The following COX7B2 variants were observed in gnomAD, a reference collection of about 807,000 sequenced individuals.
COX7B2 encodes the protein cytochrome c oxidase subunit 7B2, mitochondrial.
For synonymous variants in COX7B2, 37 were observed against 32.1 expected, an observed-to-expected ratio of 1.15 and a Z score of -0.51; for missense variants, 109 against 95.9, an observed-to-expected ratio of 1.14 and a Z score of -0.57.
intron 1 of COX7B2, among the ~76,000 whole-genome samples, chr4:46,878,540 A>G (rs1037763854): frequency 1.3e-5 from 2 of 152,084 alleles, no homozygotes; most frequent in Non-Finnish European, 2.9e-5. Context: ...TCTTAAATAC[A>G]TACAATAACA....
chr4:46,828,583 T>C (rs938028859), intron 2 of COX7B2, among the ~76,000 whole-genome samples: 2 of 151,968 alleles, frequency 1.3e-5, no homozygotes, highest in African/African-American at 2.4e-5. Flanking sequence ...AAGAGATAAA[T>C]GGAATAAAAT....
intron 2 of COX7B2, among the ~76,000 whole-genome samples, chr4:46,824,418 GA>G (rs1245943400): frequency 3.9e-5 from 6 of 152,106 alleles, no homozygotes; most frequent in Admixed American, 2.0e-4. Flanking sequence ...CCTCATGAGA[GA>G]ATGAAATTGA....
At chr4:46,750,195 TACAC>T (rs58139781) in intron 2 of COX7B2, among the ~76,000 whole-genome samples, 5,126 of 113,822 alleles carry the variant, frequency 0.045, 124 homozygotes, top group East Asian at 0.086. Context: ...ATCCCATCTC[TACAC>T]ACACACACAC....
chr4:46,785,775 G>A (rs1202451894), intron 2 of COX7B2, among the ~76,000 whole-genome samples: 1 of 152,064 alleles, frequency 6.6e-6, no homozygotes, highest in Non-Finnish European at 1.5e-5. Context: ...AATAGAGAAG[G>A]GGAGCAACCC....
intron 1 of COX7B2, among the ~76,000 whole-genome samples, chr4:46,873,812 C>A (rs150325361): frequency 4.0e-4 from 61 of 152,092 alleles, no homozygotes; most frequent in African/African-American, 1.3e-3. Flanking sequence ...TAATGCTATC[C>A]CTCCCCCTTC....
rs189661668 is a variant in COX7B2 at position 46,792,520 on chromosome 4, C to T, written c.-50+52440G>A. On this transcript the variant is annotated intron_variant, in intron 2 of 2. Coordinates refer to ENST00000355591, the MANE Select transcript of COX7B2 (RefSeq NM_130902.3). ...TCTCTCTCTCCCCCTGACACTCAGA[C>T]TGAGATATCAGTCTTCTCCTGCCCC... Among the ~76,000 whole-genome samples, 191 of 152,296 alleles carry T rather than the reference C, an allele frequency of 1.3e-3. 1 individual carries two copies. The highest frequency in any genetic ancestry group is 4.3e-3 in the African/African-American group (180 of 41,586).
intron 1 of COX7B2, chr4:46,904,064 T>G (rs1240464194): frequency 6.6e-6 from 1 of 152,104 alleles, no homozygotes; most frequent in Non-Finnish European, 1.5e-5. Context: ...TGACCTTTGA[T>G]AAACTAAAAC....
chr4:46,807,130 CCA>C (rs1426210019), intron 2 of COX7B2, among the ~76,000 whole-genome samples: 1 of 151,772 alleles, frequency 6.6e-6, no homozygotes, highest in African/African-American at 2.4e-5. Context: ...ATCGACAGTC[CCA>C]CAGTGTACAA....
chr4:46,890,540 G>A (rs1436593933), intron 1 of COX7B2, among the ~76,000 whole-genome samples: 3 of 152,202 alleles, frequency 2.0e-5, no homozygotes, highest in Non-Finnish European at 4.4e-5. Context: ...TTATCAGGAT[G>A]TAGGCAACAA....
chr4:46,853,382 T>TCCAA (rs1716820896), intron 1 of COX7B2, among the ~76,000 whole-genome samples: 1 of 152,194 alleles, frequency 6.6e-6, no homozygotes, highest in African/African-American at 2.4e-5. Context: ...CAGTCAGAAA[T>TCCAA]CTGACTCTCA....
rs73813723 is a variant in COX7B2, at chr4:46,867,389, G to A, written c.-104-22375C>T. On this transcript the variant is annotated intron_variant, in intron 1 of 2. Transcript: ENST00000355591. ...CTGACCAGATGAAATCAAGAAACTG[G>A]CTGGAACCAGCCAATGGTGTCAAAG... 3.0e-4 allele frequency among the ~76,000 whole-genome samples: 45 copies of A among 152,278 alleles called. 1 individual carries two copies. The highest frequency in any genetic ancestry group is 1.0e-3 in the African/African-American group (42 of 41,552).
At chr4:46,831,332 C>T (rs552792170) in intron 2 of COX7B2, among the ~76,000 whole-genome samples, 9 of 152,288 alleles carry the variant, frequency 5.9e-5, no homozygotes, top group African/African-American at 2.2e-4. Flanking sequence ...CAACCTCCCA[C>T]CCCGCCATGG....
rs762496670 is a variant in COX7B2, at chr4:46,735,131, C to A, written c.62G>T (p.Ser21Ile). ...SSLKIQSILQ[S>I]MARHSHVKHS... is the part of the protein sequence containing the mutation. ...TTTTACATGGCTATGTCTTGCCATG[C>A]TTTGCAGAATGCTTTGAATCTTGAG... The change falls in exon 3 of 3, where the codon AGC becomes ATC. Residue 21 changes from serine (S) to isoleucine (I), a missense_variant. Coordinates refer to ENST00000355591, the MANE Select transcript of COX7B2 (RefSeq NM_130902.3). 1.2e-6 allele frequency: 2 copies of A among 1,613,702 alleles called. No homozygotes were observed. Among genetic ancestry groups the A allele is most frequent in the Non-Finnish European group, 1.7e-6 (2 of 1,179,802 alleles).
At chr4:46,763,026 TAATATAA>T (rs1716287846) in intron 2 of COX7B2, among the ~76,000 whole-genome samples, 1 of 125,332 alleles carries the variant, frequency 8.0e-6, no homozygotes, top group Non-Finnish European at 1.6e-5. Context: ...ATATATAATA[TAATATAA>T]TATATATTAT....
chr4:46,767,935 G>A (rs766925301), intron 2 of COX7B2, among the ~76,000 whole-genome samples: 31 of 152,248 alleles, frequency 2.0e-4, no homozygotes, highest in African/African-American at 3.1e-4. Flanking sequence ...CCTTATGGGA[G>A]GGGGAGCATG....
At chr4:46,856,939 A>C (rs1188025112) in intron 1 of COX7B2, among the ~76,000 whole-genome samples, 1 of 152,220 alleles carries the variant, frequency 6.6e-6, no homozygotes, top group African/African-American at 2.4e-5. Flanking sequence ...TAATTGGGCA[A>C]TAGAGATAGA....
At chr4:46,759,299 A>G (rs957789971) in intron 2 of COX7B2, among the ~76,000 whole-genome samples, 1 of 152,138 alleles carries the variant, frequency 6.6e-6, no homozygotes, top group African/African-American at 2.4e-5. Context: ...GAGATCAACT[A>G]TGAGGAAAAT....
At chr4:46,863,355 C>T (rs1249380667) in intron 1 of COX7B2, among the ~76,000 whole-genome samples, 1 of 151,990 alleles carries the variant, frequency 6.6e-6, no homozygotes, top group East Asian at 1.9e-4. Context: ...TAGTACAGGA[C>T]AAGTCGGAAA....
At chr4:46,790,520 A>G (rs1354275626) in intron 2 of COX7B2, among the ~76,000 whole-genome samples, 5 of 152,112 alleles carry the variant, frequency 3.3e-5, no homozygotes, top group Admixed American at 3.3e-4. Context: ...CTCCTTTTCC[A>G]TTGTCACTGC....
Sources: allele counts gnomAD v4.1 joint callset (sites outside exome capture counted in the v4.1 genomes callset), GRCh38; gene constraint gnomAD v4.1.1; transcripts MANE v1.5; gene names NCBI Gene and HGNC (gene_info 2026-07-23, HGNC 2026-07-21).